Variants in CDH12 observed in about 807,000 individuals in gnomAD.
CDH12 encodes cadherin 12, also known as cadherin-12.
A neutral mutation model predicts 74.1 loss-of-function variants in CDH12; 41 were observed. The observed-to-expected ratio is 0.55, with a 90% confidence interval of 0.43 to 0.72. The LOEUF is 0.72. Ranked by LOEUF, CDH12 falls within the 30% of genes least tolerant of loss-of-function variation. The probability of loss-of-function intolerance (pLI) is 0.00; values close to 1 mark genes in which losing one functional copy is unlikely to be tolerated. For synonymous variants in CDH12, 399 were observed against 355.0 expected, an observed-to-expected ratio of 1.12 and a Z score of -1.39; for missense variants, 945 against 977.2, an observed-to-expected ratio of 0.97 and a Z score of 0.44.
At chr5:22,398,795 G>T (rs1182214238) in intron 3 of CDH12, among the ~76,000 whole-genome samples, 1 of 152,012 alleles carries the variant, frequency 6.6e-6, no homozygotes. Flanking sequence ...GAAGATCTTT[G>T]TACATTCCAA....
intron 3 of CDH12, among the ~76,000 whole-genome samples, chr5:22,220,208 T>C (rs906926679): frequency 7.2e-5 from 11 of 151,764 alleles, no homozygotes; most frequent in Non-Finnish European, 1.2e-4. Flanking sequence ...TGGCAAGTGT[T>C]TGTACATGCG....
chr5:21,878,881 A>G (rs971400829), intron 6 of CDH12, among the ~76,000 whole-genome samples: 1 of 151,362 alleles, frequency 6.6e-6, no homozygotes, highest in Non-Finnish European at 1.5e-5. Context: ...GAGAGAAAGA[A>G]AGAAAAAGAA....
At chr5:22,262,170 A>G (rs1328236610) in intron 3 of CDH12, among the ~76,000 whole-genome samples, 1 of 151,504 alleles carries the variant, frequency 6.6e-6, no homozygotes, top group Non-Finnish European at 1.5e-5. Context: ...CACATTGTGC[A>G]GGTTAGTTAC....
intron 4 of CDH12, among the ~76,000 whole-genome samples, chr5:22,201,209 A>C (rs1402482468): frequency 1.3e-5 from 2 of 152,216 alleles, no homozygotes; most frequent in Non-Finnish European, 2.9e-5. Context: ...GGATGCAGCC[A>C]TATTCACCAT....
chr5:22,311,546 A>G (rs1182953706), intron 3 of CDH12, among the ~76,000 whole-genome samples: 1 of 151,958 alleles, frequency 6.6e-6, no homozygotes, highest in Non-Finnish European at 1.5e-5. Flanking sequence ...TACTAAAAAT[A>G]TAACAATTAG....
chr5:22,658,559 A>G (rs1462697709), intron 1 of CDH12, among the ~76,000 whole-genome samples: 1 of 152,136 alleles, frequency 6.6e-6, no homozygotes. Flanking sequence ...GAACAAATAA[A>G]GAATTCCTCA....
chr5:22,613,636 A>C (rs1304621901), intron 1 of CDH12, among the ~76,000 whole-genome samples: 1 of 152,124 alleles, frequency 6.6e-6, no homozygotes, highest in African/African-American at 2.4e-5. Context: ...GTATGTATTT[A>C]TGCACATCGT....
At chr5:22,493,299 A>T (rs543558799) in intron 2 of CDH12, among the ~76,000 whole-genome samples, 2 of 152,152 alleles carry the variant, frequency 1.3e-5, no homozygotes, top group African/African-American at 2.4e-5. Context: ...TTAATAATTC[A>T]TTTGTTGATT....
At chr5:22,776,172 G>A (rs1025803817) in intron 1 of CDH12, among the ~76,000 whole-genome samples, 5 of 151,996 alleles carry the variant, frequency 3.3e-5, no homozygotes, top group Non-Finnish European at 7.4e-5. Context: ...CATGGAGTGA[G>A]GATATTTATC....
chr5:22,246,506 A>C lies in CDH12; in HGVS notation c.-332-33863T>G, dbSNP rs183573002. On this transcript the variant is annotated intron_variant, in intron 3 of 14. Transcript: ENST00000382254. Reference sequence around the variant, plus strand: ...ACATTTCTGAAGAAAATGATAATACATTTAAAATGCAGTATAATTTTAGTC... The same window carrying C: ...ACATTTCTGAAGAAAATGATAATACCTTTAAAATGCAGTATAATTTTAGTC... Among the ~76,000 whole-genome samples the C allele has an allele frequency of 1.6e-3, 238 of 152,290 alleles. 4 individuals are homozygous for C. Among genetic ancestry groups the C allele is most frequent in the African/African-American group, 5.6e-3 (233 of 41,568 alleles).
At chr5:22,203,058 G>A (rs1205265914) in intron 4 of CDH12, among the ~76,000 whole-genome samples, 18 of 152,150 alleles carry the variant, frequency 1.2e-4, no homozygotes, top group African/African-American at 4.1e-4. Context: ...TCAAGTTAGG[G>A]CAATTAGCAT....
At chr5:22,497,638 CTTTTTTTTTTTTT>C (rs747466944) in intron 2 of CDH12, among the ~76,000 whole-genome samples, 15 of 83,232 alleles carry the variant, frequency 1.8e-4, no homozygotes, top group African/African-American at 7.0e-4. Flanking sequence ...TGTCGAATCT[CTTTTTTTTTTTTT>C]TTTTTTTTTG....
intron 1 of CDH12, among the ~76,000 whole-genome samples, chr5:22,713,318 T>G (rs1210326516): frequency 6.6e-6 from 1 of 151,644 alleles, no homozygotes; most frequent in Non-Finnish European, 1.5e-5. Flanking sequence ...TTTTTTTGTA[T>G]TTTTAGTAGA....
At chr5:21,833,798 G>GA in intron 8 of CDH12, among the ~76,000 whole-genome samples, 1 of 151,834 alleles carries the variant, frequency 6.6e-6, no homozygotes, top group East Asian at 1.9e-4. Context: ...AGTTGAAACA[G>GA]AACTTCCCTC....
chr5:22,488,609 T>A (rs144426669), intron 2 of CDH12, among the ~76,000 whole-genome samples: 118 of 152,248 alleles, frequency 7.8e-4, no homozygotes, highest in Non-Finnish European at 1.3e-3. Context: ...CCTCTACTCA[T>A]CTTCTTTACT....
chr5:22,844,312 C>T (rs566026766), intron 1 of CDH12, among the ~76,000 whole-genome samples: 1 of 152,060 alleles, frequency 6.6e-6, no homozygotes, highest in Admixed American at 6.6e-5. Context: ...AATACATGAC[C>T]CACATTAATG....
chr5:22,007,289 T>C (rs967578621), intron 5 of CDH12, among the ~76,000 whole-genome samples: 10 of 152,292 alleles, frequency 6.6e-5, no homozygotes, highest in Admixed American at 6.5e-4. Flanking sequence ...AGCAATGTAT[T>C]GTATAGAGTG....
chr5:22,046,434 T>C (rs990868218), intron 5 of CDH12, among the ~76,000 whole-genome samples: 19 of 143,698 alleles, frequency 1.3e-4, no homozygotes, highest in Admixed American at 4.1e-4. Context: ...TAATTTCTTT[T>C]TTTTTTTTTT....
rs75069114 is a variant in CDH12 at position 22,597,219 on chromosome 5, A to G, written c.-522-91855T>C. Among the ~76,000 whole-genome samples, 288 of 152,286 alleles carry G rather than the reference A, an allele frequency of 1.9e-3. 8 individuals are homozygous for G. In the East Asian group the frequency reaches 0.048, roughly 26 times the overall value. On this transcript the variant is annotated intron_variant, in intron 1 of 14. Transcript: ENST00000382254. ...ATTTTTACATATTTTCTTCCTCATTATATTACATATTTCCACAGTTTAAAC... is the reference window on the plus strand; with the variant it reads ...ATTTTTACATATTTTCTTCCTCATTGTATTACATATTTCCACAGTTTAAAC...
Sources: gnomAD v4.1 joint callset for allele counts (sites outside exome capture counted in the v4.1 genomes callset) on GRCh38, gnomAD v4.1.1 for gene constraint, MANE v1.5 for transcripts, NCBI Gene and HGNC (gene_info 2026-07-23, HGNC 2026-07-21) for gene names.